Variants in SYNPR observed in about 807,000 individuals in gnomAD.
SYNPR encodes synaptoporin.
A neutral mutation model predicts 32.9 loss-of-function variants in SYNPR; 23 were observed. The observed-to-expected ratio is 0.70, with a 90% CI of 0.50 to 0.99. The LOEUF (loss-of-function observed/expected upper bound fraction) is 0.99, where lower values mean the gene tolerates loss of function less well. Among genes scored for constraint, SYNPR ranks in the 50% least tolerant of loss-of-function variants. The pLI is 0.00. For synonymous variants in SYNPR, 146 were observed against 135.9 expected, an observed-to-expected ratio of 1.07 and a Z score of -0.52; for missense variants, 318 against 349.3, an observed-to-expected ratio of 0.91 and a Z score of 0.71.
chr3:63,517,020 C>T (rs1244219811), intron 3 of SYNPR, among the ~76,000 whole-genome samples: 1 of 152,112 alleles, frequency 6.6e-6, no homozygotes, highest in African/African-American at 2.4e-5. Flanking sequence ...AGGAAGTAAA[C>T]ATTCTGATTC....
chr3:63,353,254 T>C (rs990636564), intron 2 of SYNPR, among the ~76,000 whole-genome samples: 10 of 152,144 alleles, frequency 6.6e-5, no homozygotes. Context: ...AAAACACAAA[T>C]AGAGTGTTAC....
intron 2 of SYNPR, among the ~76,000 whole-genome samples, chr3:63,343,813 A>G (rs1441875305): frequency 6.6e-6 from 1 of 152,228 alleles, no homozygotes; most frequent in Non-Finnish European, 1.5e-5. Context: ...GAGAGATAAC[A>G]AGGGTACAGT....
intron 1 of SYNPR, among the ~76,000 whole-genome samples, chr3:63,246,383 C>A (rs1178331177): frequency 6.6e-6 from 1 of 152,026 alleles, no homozygotes; most frequent in Non-Finnish European, 1.5e-5. Context: ...TACATTCATT[C>A]TAGAAATATT....
At chr3:63,360,338 C>T (rs946978247) in intron 2 of SYNPR, among the ~76,000 whole-genome samples, 2 of 152,178 alleles carry the variant, frequency 1.3e-5, no homozygotes, top group African/African-American at 2.4e-5. Context: ...GGACTGCCAA[C>T]CAAGAGCCCT....
chr3:63,238,436 T>G (rs2086214910), intron 1 of SYNPR, among the ~76,000 whole-genome samples: 1 of 152,052 alleles, frequency 6.6e-6, no homozygotes, highest in Non-Finnish European at 1.5e-5. Context: ...AGCATTTCCT[T>G]TATTTTCCCC....
intron 2 of SYNPR, among the ~76,000 whole-genome samples, chr3:63,258,811 T>C (rs1274595608): frequency 6.6e-6 from 1 of 152,012 alleles, no homozygotes; most frequent in Non-Finnish European, 1.5e-5. Flanking sequence ...ATCATCAAAA[T>C]TGATAGACCG....
rs62251305 is a variant in SYNPR at position 63,245,706 on chromosome 3, A to T, written n.67-6793A>T. Among the ~76,000 whole-genome samples, 39 of 56,230 alleles carry T rather than the reference A, an allele frequency of 6.9e-4. 1 individual carries two copies. The highest frequency in any genetic ancestry group is 3.7e-4 in the East Asian group (1 of 2,708). The allele number at this position is 56,230 out of a possible 152,430, so 36.9% of individuals were successfully genotyped here. A position where few individuals can be genotyped will look rare whatever the true frequency, so the allele number is the denominator to read the frequency against. On this transcript the variant is annotated intron_variant and non_coding_transcript_variant, in intron 1 of 4. Coordinates refer to the SYNPR transcript ENST00000478456. ...GAGAGAGAGAGAGAGAGAGAGAGAGAGAGAGTGTGTGTGTGTGTGTGTGTG... is the reference window on the plus strand; with the variant it reads ...GAGAGAGAGAGAGAGAGAGAGAGAGTGAGAGTGTGTGTGTGTGTGTGTGTG...
chr3:63,615,046 C>A (rs780683205), intron 5 of SYNPR, among the ~76,000 whole-genome samples, 178 bp from the exon 6 acceptor site: 11 of 152,168 alleles, frequency 7.2e-5, no homozygotes, highest in African/African-American at 1.9e-4. Context: ...ACATGTAGTG[C>A]GTCTAATAAA....
intron 2 of SYNPR, among the ~76,000 whole-genome samples, chr3:63,253,673 G>T (rs1247036607): frequency 1.3e-5 from 2 of 152,198 alleles, no homozygotes; most frequent in Non-Finnish European, 2.9e-5. Flanking sequence ...AACTACAGGT[G>T]CTGGAGAGGA....
chr3:63,565,976 T>A (rs1702782676), intron 4 of SYNPR, among the ~76,000 whole-genome samples: 1 of 152,086 alleles, frequency 6.6e-6, no homozygotes, highest in Non-Finnish European at 1.5e-5. Context: ...AACCTAAACA[T>A]TTCAGCTTCA....
chr3:63,351,782 G>A (rs1434745898), intron 2 of SYNPR, among the ~76,000 whole-genome samples: 4 of 152,194 alleles, frequency 2.6e-5, no homozygotes, highest in Non-Finnish European at 4.4e-5. Flanking sequence ...AACGGGGATG[G>A]AGTGGTGACA....
intron 2 of SYNPR, among the ~76,000 whole-genome samples, chr3:63,260,677 T>C (rs2086430312): frequency 1.3e-5 from 2 of 152,014 alleles, no homozygotes; most frequent in African/African-American, 4.8e-5. Context: ...ACTTCATGTC[T>C]AAAACACCAA....
Position 63,519,456 on chromosome 3 carries a change from GTTCCCTTCTTCGTGAGCAGAGCAGAGC to G in SYNPR, c.210-37084_210-37058del, listed in dbSNP as rs1338897153. 2.6e-5 allele frequency among the ~76,000 whole-genome samples: 4 copies of G among 152,136 alleles called. No individual in the cohort carries two copies. In the East Asian group the frequency reaches 7.7e-4, roughly 29 times the overall value. ...TGTGAATTCTTCTTTTGTTCCCTGAGTTCCCTTCTTCGTGAGCAGAGCAGAGCTTGCCCATAGCTGTGCTCCTTGTTG... is the reference window on the plus strand; with the variant it reads ...TGTGAATTCTTCTTTTGTTCCCTGAGTTGCCCATAGCTGTGCTCCTTGTTG... On this transcript the variant is annotated intron_variant, in intron 3 of 5. Transcript: ENST00000478300.
intron 3 of SYNPR, among the ~76,000 whole-genome samples, chr3:63,537,086 T>A (rs1292676396): frequency 6.6e-6 from 1 of 152,046 alleles, no homozygotes; most frequent in Non-Finnish European, 1.5e-5. Flanking sequence ...TATGATAGCT[T>A]ACTGAAACGT....
chr3:63,507,395 A>T (rs1418124026), intron 3 of SYNPR, among the ~76,000 whole-genome samples: 1 of 152,174 alleles, frequency 6.6e-6, no homozygotes, highest in African/African-American at 2.4e-5. Flanking sequence ...AATCAGACAA[A>T]TCATATTGAG....
At chr3:63,475,042 T>C (rs945426333) in intron 2 of SYNPR, among the ~76,000 whole-genome samples, 4 of 152,200 alleles carry the variant, frequency 2.6e-5, no homozygotes, top group African/African-American at 7.2e-5. Flanking sequence ...TGCTTGCCCT[T>C]TTCCCAGGGG....
chr3:63,478,059 T>C (rs7621823), intron 2 of SYNPR, among the ~76,000 whole-genome samples: 4,955 of 152,230 alleles, frequency 0.033, 274 homozygotes, highest in African/African-American at 0.11. Flanking sequence ...TGGAAGCCCA[T>C]AGGTATCATA....
At chr3:63,338,108 G>A (rs778650818) in intron 2 of SYNPR, among the ~76,000 whole-genome samples, 8 of 152,190 alleles carry the variant, frequency 5.3e-5, no homozygotes, top group Admixed American at 1.3e-4. Flanking sequence ...GTGTGTTTGG[G>A]ATGGGAGTGG....
intron 3 of SYNPR, among the ~76,000 whole-genome samples, chr3:63,487,620 AACATTAAAGGGTGC>A (rs144299348): frequency 0.044 from 6,701 of 152,268 alleles, 174 homozygotes; most frequent in South Asian, 0.099. Flanking sequence ...CCTATATAAA[AACATTAAAGGGTGC>A]ACATATTTAA....
Sources: allele counts gnomAD v4.1 joint callset (sites outside exome capture counted in the v4.1 genomes callset), GRCh38; gene constraint gnomAD v4.1.1; transcripts MANE v1.5; gene names NCBI Gene and HGNC (gene_info 2026-07-23, HGNC 2026-07-21).